The following ASAP2 variants were observed in gnomAD, a reference collection of about 807,000 sequenced individuals.
ASAP2 encodes the protein ArfGAP with SH3 domain, ankyrin repeat and PH domain 2.
Under a neutral mutation model 131.4 loss-of-function variants are expected in ASAP2, and 45 were observed. The observed-to-expected ratio is 0.34, with a 90% CI of 0.27 to 0.44. The LOEUF (loss-of-function observed/expected upper bound fraction) is 0.44, where lower values mean the gene tolerates loss of function less well. Among genes scored for constraint, ASAP2 ranks in the 20% least tolerant of loss-of-function variants. The pLI is 1.00. For synonymous variants in ASAP2, 510 were observed against 503.0 expected (o/e 1.01, Z -0.19); for missense variants, 1,011 against 1,297.0 (o/e 0.78, Z 3.39).
chr2:9,380,560 G>A (rs142943813), intron 19 of ASAP2, among the ~76,000 whole-genome samples, 181 bp from the exon 20 acceptor site: 12 of 152,304 alleles, frequency 7.9e-5, no homozygotes, highest in Non-Finnish European at 1.8e-4. Flanking sequence ...GTATTTAGCT[G>A]TAGTTCTATA....
At chr2:9,334,612 C>T in intron 7 of ASAP2, 126 bp from the exon 8 acceptor site, 1 of 752,072 alleles carries the variant, frequency 1.3e-6, no homozygotes, top group Non-Finnish European at 2.2e-6. Context: ...AGGTTCTGTT[C>T]ATACAGTCTT....
chr2:9,264,463 G>A (rs1466007486), intron 1 of ASAP2, among the ~76,000 whole-genome samples: 2 of 152,168 alleles, frequency 1.3e-5, no homozygotes, highest in African/African-American at 4.8e-5. Flanking sequence ...AGCTCTGACG[G>A]CCACTGTGGC....
intron 1 of ASAP2, among the ~76,000 whole-genome samples, chr2:9,249,959 C>A (rs943112501): frequency 2.0e-5 from 3 of 152,326 alleles, no homozygotes; most frequent in African/African-American, 7.2e-5. Flanking sequence ...GGCTACATGC[C>A]ATGTGGAAGG....
intron 1 of ASAP2, among the ~76,000 whole-genome samples, chr2:9,231,038 C>T (rs1393311774): frequency 1.3e-5 from 2 of 152,184 alleles, no homozygotes; most frequent in Non-Finnish European, 2.9e-5. Flanking sequence ...CCAGGCTCGG[C>T]TGCTTTGCGG....
At chr2:9,254,303 A>G (rs1457463201) in intron 1 of ASAP2, among the ~76,000 whole-genome samples, 1 of 130,200 alleles carries the variant, frequency 7.7e-6, no homozygotes, top group African/African-American at 2.9e-5. Flanking sequence ...TAATTATTCT[A>G]TTAGTCATTG....
Position 9,243,511 on chromosome 2 carries a change from A to T in ASAP2, c.127-35806A>T, listed in dbSNP as rs76055763. Among the ~76,000 whole-genome samples the T allele has an allele frequency of 4.8e-3, 725 of 152,352 alleles. 7 individuals carry two copies. The highest frequency in any genetic ancestry group is 0.017 in the African/African-American group (695 of 41,582). ...ACTGAGTCAGAGAAGTAACTGTTAAAATACAACTTTGCTTACAATATCTGC... is the reference window on the plus strand; with the variant it reads ...ACTGAGTCAGAGAAGTAACTGTTAATATACAACTTTGCTTACAATATCTGC... On this transcript the variant is annotated intron_variant, in intron 1 of 27. Transcript: ENST00000281419.
At position 9,268,060 on chromosome 2, in the gene ASAP2, G is replaced by T. The variant is rs1403681702; in HGVS notation, c.127-11257G>T. Among the ~76,000 whole-genome samples the T allele has an allele frequency of 6.6e-6, 1 of 152,134 alleles. No homozygotes were observed. Among genetic ancestry groups the T allele is most frequent in the Non-Finnish European group, 1.5e-5 (1 of 68,028 alleles). On this transcript the variant is annotated intron_variant, in intron 1 of 27. Transcript: ENST00000281419. The surrounding 1 kb of genome is among the most constrained non-coding windows in gnomAD (Gnocchi z 4.1). ...TCAGTTTGTAGTTTGCCAACAAGGT[G>T]TATATCCCTAAACATAAACAATTTA...
At chr2:9,284,616 C>A (rs1340692839) in intron 2 of ASAP2, among the ~76,000 whole-genome samples, 1 of 152,142 alleles carries the variant, frequency 6.6e-6, no homozygotes, top group East Asian at 1.9e-4. Flanking sequence ...AGTGAGATAA[C>A]ATGAAAAAGT....
chr2:9,225,244 G>C (rs550571774), intron 1 of ASAP2, among the ~76,000 whole-genome samples: 1 of 152,346 alleles, frequency 6.6e-6, no homozygotes, highest in South Asian at 2.1e-4. Flanking sequence ...AGCCTGGTTA[G>C]AGCTCTGAGT....
At chr2:9,294,577 A>G (rs1668038599) in intron 2 of ASAP2, among the ~76,000 whole-genome samples, 2 of 152,356 alleles carry the variant, frequency 1.3e-5, no homozygotes, top group South Asian at 4.1e-4. Context: ...AGAAGAAAAT[A>G]GGGATAATAA....
At chr2:9,213,377 C>G (rs1373373075) in intron 1 of ASAP2, among the ~76,000 whole-genome samples, 1 of 152,170 alleles carries the variant, frequency 6.6e-6, no homozygotes, top group African/African-American at 2.4e-5. Context: ...TGGGCAGTGC[C>G]AGGTCACAGA....
intron 16 of ASAP2, among the ~76,000 whole-genome samples, chr2:9,370,023 A>G (rs1673811867): frequency 6.6e-6 from 1 of 152,116 alleles, no homozygotes; most frequent in Non-Finnish European, 1.5e-5. Flanking sequence ...TATCTTTAGT[A>G]GAGATGGGGT....
intron 4 of ASAP2, among the ~76,000 whole-genome samples, chr2:9,319,083 G>A (rs759819508): frequency 2.6e-5 from 4 of 152,202 alleles, no homozygotes; most frequent in Non-Finnish European, 5.9e-5. Context: ...CCATAAGCAC[G>A]CAGGCCAGGA....
rs913317132 is a variant in ASAP2 at position 9,256,090 on chromosome 2, T to A, written c.127-23227T>A. Among the ~76,000 whole-genome samples the A allele has an allele frequency of 2.0e-5, 3 of 148,338 alleles. No homozygotes were observed. The Admixed American group carries it at 2.1e-4, about 10-fold the overall frequency. Reference sequence around the variant, plus strand: ...GACCAGTGCGTCACTATATTTTCCCTAGTCATTGACATATTTGCACGTTCA... The same window carrying A: ...GACCAGTGCGTCACTATATTTTCCCAAGTCATTGACATATTTGCACGTTCA... On this transcript the variant is annotated intron_variant, in intron 1 of 27. Coordinates refer to ENST00000281419, the MANE Select transcript of ASAP2 (RefSeq NM_003887.3).
At chr2:9,254,872 G>A (rs543059225) in intron 1 of ASAP2, among the ~76,000 whole-genome samples, 1 of 152,262 alleles carries the variant, frequency 6.6e-6, no homozygotes, top group African/African-American at 2.4e-5. Flanking sequence ...TATGGATAAA[G>A]CTTCTATGAA....
chr2:9,346,072 A>G (rs1029249223), intron 11 of ASAP2, among the ~76,000 whole-genome samples: 1 of 152,108 alleles, frequency 6.6e-6, no homozygotes, highest in Non-Finnish European at 1.5e-5. Context: ...TTCACTGGTC[A>G]TGTGATCACC....
intron 24 of ASAP2, among the ~76,000 whole-genome samples, chr2:9,393,953 C>G (rs1675922276): frequency 6.6e-6 from 1 of 152,044 alleles, no homozygotes. Context: ...TTCTATTTTC[C>G]CAAGGTTGTT....
intron 24 of ASAP2, among the ~76,000 whole-genome samples, chr2:9,397,088 T>G (rs1312840948): frequency 3.3e-5 from 5 of 152,240 alleles, no homozygotes; most frequent in Non-Finnish European, 7.3e-5. Context: ...GGCTTTCCAG[T>G]GCTAATTATT....
intron 2 of ASAP2, among the ~76,000 whole-genome samples, chr2:9,286,393 G>A (rs2148342746): frequency 6.7e-6 from 1 of 149,220 alleles, no homozygotes; most frequent in African/African-American, 2.5e-5. Flanking sequence ...GTGAGACCCT[G>A]TCTCCAAAAC....
Sources: allele counts gnomAD v4.1 joint callset (sites outside exome capture counted in the v4.1 genomes callset), GRCh38; gene constraint gnomAD v4.1.1; non-coding constraint Gnocchi (gnomAD v3.1); transcripts MANE v1.5; gene names NCBI Gene and HGNC (gene_info 2026-07-23, HGNC 2026-07-21).